The following TRPM3 variants were observed in gnomAD, a reference collection of about 807,000 sequenced individuals.
The protein encoded by TRPM3 is long transient receptor potential channel 3.
TRPM3 carries 77 observed loss-of-function variants against 181.2 expected under a neutral mutation model. The observed-to-expected ratio is 0.42, with a 90% CI of 0.35 to 0.51. The LOEUF (loss-of-function observed/expected upper bound fraction) is 0.51, where lower values mean the gene tolerates loss of function less well. Among genes scored for constraint, TRPM3 ranks in the 20% least tolerant of loss-of-function variants. The probability of loss-of-function intolerance (pLI) is 0.01; values close to 1 mark genes in which losing one functional copy is unlikely to be tolerated. For synonymous variants in TRPM3, 745 were observed against 796.4 expected, an observed-to-expected ratio of 0.94 and a Z score of 1.09; for missense variants, 1,759 against 2,196.7, an observed-to-expected ratio of 0.80 and a Z score of 3.98.
chr9:71,327,985 G>A (rs930413152), intron 1 of TRPM3, among the ~76,000 whole-genome samples: 1 of 150,932 alleles, frequency 6.6e-6, no homozygotes, highest in African/African-American at 2.4e-5. Flanking sequence ...TCATTTGGGA[G>A]ATGAACTGTT....
intron 7 of TRPM3, among the ~76,000 whole-genome samples, chr9:70,773,722 T>C (rs1564216735): frequency 1.3e-5 from 2 of 152,206 alleles, no homozygotes; most frequent in South Asian, 2.1e-4. Context: ...CATTTCTCGT[T>C]CTTCATCTCC....
At chr9:70,859,241 A>G (rs2095465141) in intron 3 of TRPM3, among the ~76,000 whole-genome samples, 1 of 152,174 alleles carries the variant, frequency 6.6e-6, no homozygotes, top group Non-Finnish European at 1.5e-5. Context: ...CCTGATCACC[A>G]GCAGACAACT....
intron 1 of TRPM3, among the ~76,000 whole-genome samples, chr9:71,032,591 G>A (rs972629271): frequency 6.6e-6 from 1 of 152,080 alleles, no homozygotes; most frequent in Non-Finnish European, 1.5e-5. Flanking sequence ...TAATCATTGA[G>A]TTTGCATTAT....
chr9:70,694,095 G>A (rs922885703), intron 8 of TRPM3, among the ~76,000 whole-genome samples: 1 of 152,180 alleles, frequency 6.6e-6, no homozygotes, highest in Non-Finnish European at 1.5e-5. Context: ...GAGAGACTCT[G>A]CCATGGAGGT....
At chr9:70,800,908 G>A (rs930095011) in intron 6 of TRPM3, among the ~76,000 whole-genome samples, 1 of 152,096 alleles carries the variant, frequency 6.6e-6, no homozygotes, top group South Asian at 2.1e-4. Flanking sequence ...CCATTTTACA[G>A]TTAAGCAAAC....
At chr9:70,919,789 A>G (rs1025105082) in intron 1 of TRPM3, among the ~76,000 whole-genome samples, 2 of 151,888 alleles carry the variant, frequency 1.3e-5, no homozygotes, top group Non-Finnish European at 2.9e-5. Flanking sequence ...CATTTCAAAA[A>G]AAAAAAAAAA....
At chr9:70,827,680 C>G in intron 6 of TRPM3, 167 bp downstream of exon 6, 6 of 726,468 alleles carry the variant, frequency 8.3e-6, no homozygotes, top group Non-Finnish European at 1.3e-5. Flanking sequence ...TCCAATTGTT[C>G]TCCTCTGGAT....
rs1350865003 is a variant in TRPM3 at position 70,598,510 on chromosome 9, C to G, written c.2957G>C (p.Cys986Ser). Residue 986 changes from cysteine (C) to serine (S), a missense_variant, in exon 21 of 26, where the codon TGC becomes TCC. Coordinates refer to ENST00000677713, the MANE Select transcript of TRPM3 (RefSeq NM_001366145.2). Reference protein sequence around the residue: ...PFRSDGRVIYCVNIIYWYIRL... With the variant: ...PFRSDGRVIYSVNIIYWYIRL... ...GATATACCAGTAAATGATGTTCACG[C>G]AGTAGATGACCCTCCCGTCACTCCT... 6.2e-7 allele frequency: 1 copy of G among 1,614,202 alleles called. No homozygotes were observed. The highest frequency in any genetic ancestry group is 1.1e-5 in the South Asian group (1 of 91,080).
intron 1 of TRPM3, among the ~76,000 whole-genome samples, chr9:71,382,685 A>G (rs1243994613): frequency 8.5e-6 from 1 of 118,220 alleles, no homozygotes; most frequent in East Asian, 2.6e-4. Context: ...ATATCTGTAT[A>G]GTCTTTTTTT....
intron 1 of TRPM3, among the ~76,000 whole-genome samples, chr9:71,146,651 G>A (rs1438675957): frequency 6.6e-6 from 1 of 152,008 alleles, no homozygotes; most frequent in East Asian, 1.9e-4. Flanking sequence ...CATTCTGTCA[G>A]GTTGGTAACA....
At chr9:71,187,185 C>T (rs1036214963) in intron 1 of TRPM3, among the ~76,000 whole-genome samples, 1 of 151,956 alleles carries the variant, frequency 6.6e-6, no homozygotes, top group East Asian at 1.9e-4. Context: ...TCAAGTTAAA[C>T]TTCAGTTCAT....
Position 70,597,796 on chromosome 9 carries a change from T to C in TRPM3, c.3048+623A>G, listed in dbSNP as rs1231434625. Among the ~76,000 whole-genome samples the C allele has an allele frequency of 2.6e-5, 4 of 152,220 alleles. No homozygotes were observed. The East Asian group carries it at 7.7e-4, about 29-fold the overall frequency. On this transcript the variant is annotated intron_variant, in intron 21 of 25. Transcript: ENST00000677713. ...TTCCAGTAGTGTAACAAACACATGA[T>C]GCATGATAGAACTTAATGTTCAGTT... is the stretch of plus-strand genomic sequence containing the variant.
chr9:70,640,605 G>C lies in TRPM3; in HGVS notation c.1401C>G (p.Val467=). 1 of 1,613,742 alleles carries C rather than the reference G, an allele frequency of 6.2e-7. No homozygotes were observed. The highest frequency in any genetic ancestry group is 8.5e-7 in the Non-Finnish European group (1 of 1,179,812). The change falls in exon 10 of 26, where the codon GTC becomes GTG. Residue 467 remains valine, a synonymous_variant. Coordinates refer to ENST00000677713, the MANE Select transcript of TRPM3 (RefSeq NM_001366145.2). Reference sequence around the variant, plus strand: ...TAAAGATCTGGCTGCGAGCGATGTCGACTCTGTTCCAGGCTAAAGCTAAGC... The same window carrying C: ...TAAAGATCTGGCTGCGAGCGATGTCCACTCTGTTCCAGGCTAAAGCTAAGC... ...QLSLALAWNR[V]DIARSQIFIY...
At chr9:71,366,613 G>A (rs1208180429) in intron 1 of TRPM3, among the ~76,000 whole-genome samples, 1 of 152,152 alleles carries the variant, frequency 6.6e-6, no homozygotes, top group Non-Finnish European at 1.5e-5. Context: ...CTGTCTGAAA[G>A]TATTATCTTC....
At chr9:71,249,433 A>G (rs766385524) in intron 1 of TRPM3, among the ~76,000 whole-genome samples, 13 of 152,148 alleles carry the variant, frequency 8.5e-5, no homozygotes, top group Non-Finnish European at 1.8e-4. Flanking sequence ...TTTACTACAA[A>G]GAGTACAGCT....
chr9:71,101,742 T>C (rs2068428086), intron 1 of TRPM3, among the ~76,000 whole-genome samples: 1 of 152,184 alleles, frequency 6.6e-6, no homozygotes, highest in Non-Finnish European at 1.5e-5. Context: ...TAGTGACTAG[T>C]TTAATATTCA....
At chr9:71,236,890 C>T (rs1014853465) in intron 1 of TRPM3, among the ~76,000 whole-genome samples, 1 of 151,662 alleles carries the variant, frequency 6.6e-6, no homozygotes, top group Non-Finnish European at 1.5e-5. Context: ...CTACTAAAAA[C>T]ACAAAAATTA....
chr9:71,407,017 G>C (rs2093448865), intron 1 of TRPM3, among the ~76,000 whole-genome samples: 1 of 152,112 alleles, frequency 6.6e-6, no homozygotes, highest in African/African-American at 2.4e-5. Context: ...TGGGGAATGT[G>C]GCTTAAATTC....
chr9:71,246,013 A>C (rs2082016323), intron 1 of TRPM3, among the ~76,000 whole-genome samples: 1 of 152,150 alleles, frequency 6.6e-6, no homozygotes, highest in Non-Finnish European at 1.5e-5. Context: ...TTAAGAAAGG[A>C]GGGATTGGAG....
Sources: gnomAD v4.1 joint callset for allele counts (sites outside exome capture counted in the v4.1 genomes callset) on GRCh38, gnomAD v4.1.1 for gene constraint, MANE v1.5 for transcripts, NCBI Gene and HGNC (gene_info 2026-07-23, HGNC 2026-07-21) for gene names.